Variants in GALNT18 observed in about 807,000 individuals in gnomAD.
GALNT18 encodes the protein polypeptide N-acetylgalactosaminyltransferase 18, also known as GalNAc-transferase 18.
GALNT18 carries 44 observed loss-of-function variants against 69.5 expected under a neutral mutation model. That is an observed-to-expected ratio of 0.63 (90% confidence interval 0.50 to 0.81). GALNT18 has a LOEUF of 0.81. Among genes scored for constraint, GALNT18 ranks in the 40% least tolerant of loss-of-function variants. The probability of loss-of-function intolerance (pLI) is 0.00; values close to 1 mark genes in which losing one functional copy is unlikely to be tolerated. For synonymous variants in GALNT18, 364 were observed against 318.2 expected (o/e 1.14, Z -1.53); for missense variants, 715 against 810.0 (o/e 0.88, Z 1.42).
At chr11:11,483,767 T>A (rs1590042851) in intron 1 of GALNT18, among the ~76,000 whole-genome samples, 2 of 152,114 alleles carry the variant, frequency 1.3e-5, no homozygotes, top group South Asian at 4.1e-4. Context: ...GGAGGGCAGG[T>A]GATGGGGGCT....
At position 11,344,093 on chromosome 11, in the gene GALNT18, G is replaced by A. The variant is rs541723929; in HGVS notation, c.1093-3089C>T. Among the ~76,000 whole-genome samples, 5 of 152,100 alleles carry A rather than the reference G, an allele frequency of 3.3e-5. No homozygotes were observed. The South Asian group carries it at 8.3e-4, about 25-fold the overall frequency. ...CTCAGCAACTGGAGTGATTGAAGGT[G>A]TAAGCTGGACCACTGCCTCTCCTGC... On this transcript the variant is annotated intron_variant, in intron 6 of 10. Transcript: ENST00000227756.
At chr11:11,419,913 G>A (rs141541141) in intron 3 of GALNT18, among the ~76,000 whole-genome samples, 5 of 152,172 alleles carry the variant, frequency 3.3e-5, no homozygotes, top group East Asian at 3.9e-4. Flanking sequence ...ATTCTCTGAC[G>A]GCAGGAACAA....
chr11:11,420,410 G>C (rs955671590), intron 3 of GALNT18, among the ~76,000 whole-genome samples: 1 of 152,150 alleles, frequency 6.6e-6, no homozygotes, highest in Non-Finnish European at 1.5e-5. Flanking sequence ...ACTCTCATCC[G>C]CATGCTCCAC....
At position 11,475,870 on chromosome 11, in the gene GALNT18, G is replaced by A. The variant is rs1005740416; in HGVS notation, c.236-26934C>T. ...TGCCACACAGCATCTTGGTTCCATA[G>A]AATTCCAACTGTGTAGACCCTGACT... is the stretch of plus-strand genomic sequence containing the variant. On this transcript the variant is annotated intron_variant, in intron 1 of 10. Coordinates refer to ENST00000227756, the MANE Select transcript of GALNT18 (RefSeq NM_198516.3). 4 of 152,280 alleles carry A rather than the reference G, an allele frequency of 2.6e-5. No homozygotes were observed. In the South Asian group the frequency reaches 8.3e-4, roughly 32 times the overall value. The allele number at this position is 152,280 out of a possible 1,614,324, so 9.4% of individuals were successfully genotyped here. A position where few individuals can be genotyped will look rare whatever the true frequency, so the allele number is the denominator to read the frequency against.
At position 11,611,385 on chromosome 11, in the gene GALNT18, A is replaced by G. The variant is rs141857870; in HGVS notation, c.235+9974T>C. On this transcript the variant is annotated intron_variant, in intron 1 of 10. Coordinates refer to ENST00000227756, the MANE Select transcript of GALNT18 (RefSeq NM_198516.3). The stretch of plus-strand genomic sequence containing the variant: ...AAGAGAGGAGGCAGCCTGTGTGGGC[A>G]AGGAAAATGGGGAAGGGGCTGTGGA... Among the ~76,000 whole-genome samples the G allele has an allele frequency of 6.9e-4, 105 of 152,334 alleles. No homozygotes were observed. In the East Asian group the frequency reaches 0.014, roughly 20 times the overall value.
intron 9 of GALNT18, among the ~76,000 whole-genome samples, chr11:11,310,654 G>A (rs1250860776): frequency 1.3e-5 from 2 of 152,166 alleles, no homozygotes; most frequent in Non-Finnish European, 1.5e-5. Context: ...AGCTGTTCTG[G>A]TGATTGATTT....
rs1860145395 is a variant in GALNT18 at position 11,619,919 on chromosome 11, T to C, written c.235+1440A>G. Among the ~76,000 whole-genome samples, 4 of 152,246 alleles carry C rather than the reference T, an allele frequency of 2.6e-5. No individual in the cohort carries two copies. Among genetic ancestry groups the C allele is most frequent in the Admixed American group, 2.6e-4 (4 of 15,300 alleles). ...GGAAGGTGCCGAAGCCATGGGCTTG[T>C]TTTGAAGTCATTAGTCAGGAAGCAC... On this transcript the variant is annotated intron_variant, in intron 1 of 10. Transcript: ENST00000227756. This position sits in a 1 kb window ranked among gnomAD's most constrained non-coding sequence, Gnocchi z 4.9.
chr11:11,539,795 A>G (rs1000498320), intron 1 of GALNT18, among the ~76,000 whole-genome samples: 1 of 152,250 alleles, frequency 6.6e-6, no homozygotes, highest in Non-Finnish European at 1.5e-5. Flanking sequence ...AAAGGAAAAC[A>G]AAACAAAACC....
At chr11:11,274,387 T>C (rs1848893225) in intron 10 of GALNT18, among the ~76,000 whole-genome samples, 1 of 152,078 alleles carries the variant, frequency 6.6e-6, no homozygotes, top group Non-Finnish European at 1.5e-5. Context: ...GGGAGCCAAG[T>C]GGTCTGGATC....
Position 11,601,790 on chromosome 11 carries a change from C to A in GALNT18, c.235+19569G>T, listed in dbSNP as rs757238342. 2.6e-5 allele frequency among the ~76,000 whole-genome samples: 4 copies of A among 152,124 alleles called. No homozygotes were observed. The highest frequency in any genetic ancestry group is 1.9e-4 in the East Asian group (1 of 5,176). On this transcript the variant is annotated intron_variant, in intron 1 of 10. Coordinates refer to ENST00000227756, the MANE Select transcript of GALNT18 (RefSeq NM_198516.3). This position sits in a 1 kb window ranked among gnomAD's most constrained non-coding sequence, Gnocchi z 4.0. ...ACTTTAAGCAAAATATAACATATAA[C>A]AAAACCTGTTTTTTTCTCATCAATG...
rs762009209 is a variant in GALNT18, at chr11:11,285,429, G to A, written c.1677+7600C>T. Among the ~76,000 whole-genome samples the A allele has an allele frequency of 8.5e-5, 13 of 152,250 alleles. No individual in the cohort carries two copies. In the South Asian group the frequency reaches 1.5e-3, roughly 17 times the overall value. ...CATAGTAAACACCATATAAATGTTT[G>A]AGCAATACATTTTAAAATCTCACCC... is the stretch of plus-strand genomic sequence containing the variant. On this transcript the variant is annotated intron_variant, in intron 10 of 10. Transcript: ENST00000227756.
intron 6 of GALNT18, among the ~76,000 whole-genome samples, chr11:11,350,636 C>A (rs1276079999): frequency 2.6e-5 from 4 of 152,166 alleles, no homozygotes; most frequent in African/African-American, 9.7e-5. Context: ...GCACCCCTTG[C>A]AGTCAGGAGG....
chr11:11,275,916 T>C (rs991088273), intron 10 of GALNT18, among the ~76,000 whole-genome samples: 1 of 152,096 alleles, frequency 6.6e-6, no homozygotes, highest in African/African-American at 2.4e-5. Context: ...ACCAGTACCA[T>C]GCTGTTTTGG....
At chr11:11,344,702 T>C (rs7940942) in intron 6 of GALNT18, among the ~76,000 whole-genome samples, 145,136 of 152,248 alleles carry the variant, frequency 0.95, 69,546 homozygotes, top group East Asian at 1. Flanking sequence ...GCCCTGTGGG[T>C]GAGGGGATGC....
chr11:11,374,672 G>A (rs531088959), intron 5 of GALNT18, among the ~76,000 whole-genome samples: 2 of 152,368 alleles, frequency 1.3e-5, no homozygotes, highest in Non-Finnish European at 2.9e-5. Context: ...AGGGTATTAA[G>A]TGGATTCTAT....
At chr11:11,323,897 A>G (rs1376323489) in intron 9 of GALNT18, among the ~76,000 whole-genome samples, 1 of 152,130 alleles carries the variant, frequency 6.6e-6, no homozygotes, top group Non-Finnish European at 1.5e-5. Flanking sequence ...TTTTTTTCAG[A>G]AAGAGCTTTC....
intron 1 of GALNT18, among the ~76,000 whole-genome samples, chr11:11,473,437 G>A (rs1327963961): frequency 1.3e-5 from 2 of 152,204 alleles, no homozygotes; most frequent in Non-Finnish European, 2.9e-5. Context: ...ACATAAAGGT[G>A]TCTTAGTTAT....
In GALNT18 at chr11:11,445,046, A is replaced by T. The variant is rs373448998; in HGVS notation, c.428+3698T>A. On this transcript the variant is annotated intron_variant, in intron 2 of 10. Coordinates refer to ENST00000227756, the MANE Select transcript of GALNT18 (RefSeq NM_198516.3). ...GCCTTGGTTTCATGTGCACTAAAAC[A>T]GTTTTTTCCAACATGTAGACGCCGA... Among the ~76,000 whole-genome samples, 10 of 152,340 alleles carry T rather than the reference A, an allele frequency of 6.6e-5. No homozygotes were observed. The East Asian group carries it at 1.9e-3, about 29-fold the overall frequency.
intron 1 of GALNT18, among the ~76,000 whole-genome samples, chr11:11,572,686 C>T (rs970418884): frequency 1.3e-5 from 2 of 152,200 alleles, no homozygotes; most frequent in Non-Finnish European, 2.9e-5. Context: ...TTCAACATGG[C>T]TGCCCGGTGC....
Sources: gnomAD v4.1 joint callset for allele counts (sites outside exome capture counted in the v4.1 genomes callset) on GRCh38, gnomAD v4.1.1 for gene constraint, Gnocchi (gnomAD v3.1) non-coding constraint, MANE v1.5 for transcripts, NCBI Gene and HGNC (gene_info 2026-07-23, HGNC 2026-07-21) for gene names.